Variants in CHST7 observed in about 807,000 individuals in gnomAD.
The protein encoded by CHST7 is carbohydrate sulfotransferase 7.
A neutral mutation model predicts 9.0 loss-of-function variants in CHST7; 5 were observed. The observed-to-expected ratio is 0.56, with a 90% confidence interval of 0.29 to 1.17. The LOEUF is 1.17. Ranked by LOEUF, CHST7 falls within the 50% of genes most tolerant of loss-of-function variation. The probability of loss-of-function intolerance (pLI) is 0.08; values close to 1 mark genes in which losing one functional copy is unlikely to be tolerated. For synonymous variants in CHST7, 244 were observed against 237.1 expected (o/e 1.03, Z -0.27); for missense variants, 377 against 485.1 (o/e 0.78, Z 2.09).
At position 46,574,835 on chromosome X, in the gene CHST7, C is replaced by G; in HGVS notation, c.904C>G (p.Leu302Val). The G allele has an allele frequency of 1.7e-6, 2 of 1,186,543 alleles. No individual in the cohort carries two copies. Among genetic ancestry groups the G allele is most frequent in the Non-Finnish European group, 2.3e-6 (2 of 883,362 alleles). ...ACTGCTGCGCGAGAGCATCCAGGTG[C>G]TGCGCACCCGCCAGAGGGGCGACCG... ...QGLLRESIQV[L>V]RTRQRGDRFH... Residue 302 changes from leucine (L) to valine (V), a missense_variant, in exon 1 of 2, where the codon CTG becomes GTG. By Grantham distance (32) the Leu-to-Val change is conservative (BLOSUM62 1). Transcript: ENST00000276055.
intron 1 of CHST7, among the ~76,000 whole-genome samples, chrX:46,596,158 C>T (rs1037215332): frequency 9.1e-6 from 1 of 109,823 alleles, no homozygotes; most frequent in African/African-American, 3.3e-5. Context: ...AAAAGTCGGC[C>T]CACCTGGAAA....
rs774347767 is a variant in CHST7, at chrX:46,575,188, C to A, written c.1257C>A (p.Pro419=). The A allele has an allele frequency of 9.1e-7, 1 of 1,104,335 alleles. No homozygotes were observed. The highest frequency in any genetic ancestry group is 2.1e-5 in the South Asian group (1 of 46,527). 91.0% of individuals were successfully genotyped at this position (1,104,335 alleles called of 1,213,427 possible). ...TRGAAYGADR[P]FHLSARDARE... ...GCGCGGCCTACGGCGCCGACCGGCC[C>A]TTCCACCTGTCAGCGCGCGACGCCC... The change falls in exon 1 of 2, where the codon CCC becomes CCA. Residue 419 remains proline (P), a synonymous_variant. Transcript: ENST00000276055.
chrX:46,586,963 G>T (rs759046873), intron 1 of CHST7, among the ~76,000 whole-genome samples: 1 of 110,648 alleles, frequency 9.0e-6, no homozygotes, highest in East Asian at 2.8e-4. Context: ...TCAAACTCCC[G>T]ACCTCAGCTG....
intron 1 of CHST7, among the ~76,000 whole-genome samples, chrX:46,594,102 C>A (rs1276668489): frequency 1.8e-5 from 2 of 112,479 alleles, no homozygotes; most frequent in African/African-American, 6.5e-5. Flanking sequence ...TTTGTCATTT[C>A]CTTTCTCTGG....
rs1457588980 is a variant in CHST7, at chrX:46,574,845, G to A, written c.914G>A (p.Arg305His). 8.5e-7 allele frequency: 1 copy of A among 1,182,542 alleles called. No homozygotes were observed. The highest frequency in any genetic ancestry group is 1.9e-5 in the South Asian group (1 of 53,717). ...GAGAGCATCCAGGTGCTGCGCACCC[G>A]CCAGAGGGGCGACCGCTTCCACCGT... The part of the protein sequence containing the change: ...LRESIQVLRT[R>H]QRGDRFHRVL... The change falls in exon 1 of 2, where the codon CGC becomes CAC. Residue 305 changes from arginine (R) to histidine (H), a missense_variant. Physicochemically the swap from Arg to His is conservative, Grantham distance 29 (BLOSUM62 0). Transcript: ENST00000276055.
rs1453368964 is a variant in CHST7, at chrX:46,573,843, G to A, written c.-89G>A. 2 of 1,124,471 alleles carry A rather than the reference G, an allele frequency of 1.8e-6. No individual in the cohort carries two copies. Among genetic ancestry groups the A allele is most frequent in the East Asian group, 3.4e-5 (1 of 29,838 alleles). 92.7% of individuals were successfully genotyped at this position (1,124,471 alleles called of 1,213,427 possible). On this transcript the variant is annotated 5_prime_UTR_variant, in exon 1 of 2. Coordinates refer to ENST00000276055, the MANE Select transcript of CHST7 (RefSeq NM_019886.4). ...CTGCTCCTCCCGGCGCAGAGGGGCC[G>A]GGAGAGGCCACAGGAGCGGACCTGG...
intron 1 of CHST7, among the ~76,000 whole-genome samples, chrX:46,586,766 A>C (rs1402874018): frequency 3.8e-5 from 4 of 106,436 alleles, no homozygotes; most frequent in Non-Finnish European, 7.8e-5. Flanking sequence ...ATGGAGTTTC[A>C]CTCTTGTTGC....
intron 1 of CHST7, among the ~76,000 whole-genome samples, chrX:46,597,491 G>A (rs1376844084): frequency 9.0e-6 from 1 of 111,716 alleles, no homozygotes; most frequent in African/African-American, 3.3e-5. Context: ...CTCAGCAGGC[G>A]CTCCACAACA....
At chrX:46,592,609 C>T (rs769697370) in intron 1 of CHST7, among the ~76,000 whole-genome samples, 112 of 112,020 alleles carry the variant, frequency 1.0e-3, no homozygotes, top group African/African-American at 3.5e-3. Context: ...GTGATCCACC[C>T]GCCTTGGCCT....
chrX:46,587,761 C>T (rs892255612), intron 1 of CHST7, among the ~76,000 whole-genome samples: 10 of 112,198 alleles, frequency 8.9e-5, no homozygotes, highest in African/African-American at 3.2e-4. Flanking sequence ...TTCCGTTTTC[C>T]TTGGCACTGT....
At chrX:46,578,880 G>A (rs977110602) in intron 1 of CHST7, among the ~76,000 whole-genome samples, 4 of 111,566 alleles carry the variant, frequency 3.6e-5, no homozygotes, top group African/African-American at 1.3e-4. Flanking sequence ...GCGGTTCTCA[G>A]CCCTGGCTGA....
chrX:46,576,521 G>A (rs909075084), intron 1 of CHST7, among the ~76,000 whole-genome samples: 1 of 111,601 alleles, frequency 9.0e-6, no homozygotes, highest in African/African-American at 3.3e-5. Context: ...TGTTCTGTGT[G>A]GGTCAGTGTA....
At chrX:46,580,195 C>CT (rs1224512470) in intron 1 of CHST7, among the ~76,000 whole-genome samples, 1 of 109,060 alleles carries the variant, frequency 9.2e-6, no homozygotes, top group Non-Finnish European at 1.9e-5. Context: ...GTAGCTGGGA[C>CT]TACAGGTGTG....
chrX:46,595,971 C>T (rs975779857), intron 1 of CHST7, among the ~76,000 whole-genome samples: 1 of 110,038 alleles, frequency 9.1e-6, no homozygotes, highest in Admixed American at 9.7e-5. Flanking sequence ...AACCCTGTCT[C>T]TACTAAAAAT....
At chrX:46,577,515 G>A (rs1010040859) in intron 1 of CHST7, among the ~76,000 whole-genome samples, 3 of 111,816 alleles carry the variant, frequency 2.7e-5, no homozygotes, top group Non-Finnish European at 3.8e-5. Context: ...TCTAGAGAAG[G>A]GAGGAGAAGA....
At position 46,575,157 on chromosome X, in the gene CHST7, C is replaced by A. The variant is rs1259887883; in HGVS notation, c.1226C>A (p.Thr409Asn). 9.1e-7 allele frequency: 1 copy of A among 1,097,235 alleles called. No homozygotes were observed. The highest frequency in any genetic ancestry group is 1.2e-6 in the Non-Finnish European group (1 of 848,679). The allele number at this position is 1,097,235 out of a possible 1,213,427, so 90.4% of individuals were successfully genotyped here. The change falls in exon 1 of 2, where the codon ACT (threonine) becomes AAT (asparagine). Residue 409 changes from threonine to asparagine, a missense_variant. By Grantham distance (65) the Thr-to-Asn change is moderately conservative. This residue lies in a region of CHST7 where 130 missense variants were observed against 134.9 expected (regional missense o/e 0.96). Coordinates refer to ENST00000276055, the MANE Select transcript of CHST7 (RefSeq NM_019886.4). The stretch of plus-strand genomic sequence containing the variant: ...CTCGATGCCTTCGCGCTCAACATGA[C>A]TCGCGGCGCGGCCTACGGCGCCGAC... The part of the protein sequence containing the change: ...AALDAFALNM[T>N]RGAAYGADRP...
In CHST7 at chrX:46,575,318, G is replaced by A. The variant is rs755496206; in HGVS notation, c.1387G>A (p.Gly463Arg). ...GCGTCTGCTCGCCTACCCTCGCAGC[G>A]GAGAGGAGGGCGACGCGGAGCAGCC... ...AMRLLAYPRS[G>R]EEGDAEQPRE... is the part of the protein sequence containing the mutation. The change falls in exon 1 of 2, where the codon GGA (glycine) becomes AGA (arginine). Residue 463 changes from glycine to arginine, a missense_variant. Coordinates refer to ENST00000276055, the MANE Select transcript of CHST7 (RefSeq NM_019886.4). 9.1e-7 allele frequency: 1 copy of A among 1,094,507 alleles called. No individual in the cohort carries two copies. The highest frequency in any genetic ancestry group is 3.6e-5 in the East Asian group (1 of 27,569). The allele number at this position is 1,094,507 out of a possible 1,213,427, so 90.2% of individuals were successfully genotyped here. A position where few individuals can be genotyped will look rare whatever the true frequency, so the allele number is the denominator to read the frequency against.
At position 46,574,936 on chromosome X, in the gene CHST7, G is replaced by A. The variant is rs1428837140; in HGVS notation, c.1005G>A (p.Pro335=). The A allele has an allele frequency of 1.7e-6, 2 of 1,148,527 alleles. No homozygotes were observed. Among genetic ancestry groups the A allele is most frequent in the Admixed American group, 5.6e-5 (2 of 35,806 alleles). 94.7% of individuals were successfully genotyped at this position (1,148,527 alleles called of 1,213,427 possible). ...GGQSRALPAA[P]RADFFLTGAL... is the part of the protein sequence containing the mutation. ...AGTCTCGCGCGCTGCCCGCCGCGCC[G>A]CGCGCCGATTTCTTCCTGACCGGTG... Residue 335 remains proline, a synonymous_variant, in exon 1 of 2, where the codon CCG becomes CCA. Transcript: ENST00000276055.
chrX:46,574,617 G>A lies in CHST7; in HGVS notation c.686G>A (p.Cys229Tyr). Residue 229 changes from cysteine to tyrosine, a missense_variant, in exon 1 of 2, where the codon TGC (cysteine) becomes TAC (tyrosine). Cys to Tyr is a radical substitution (Grantham distance 194). This residue lies in a region of CHST7 where 239 missense variants were observed against 325.7 expected (regional missense o/e 0.73). Coordinates refer to ENST00000276055, the MANE Select transcript of CHST7 (RefSeq NM_019886.4). Reference sequence around the variant, plus strand: ...GAGGACACCGCCTGCGAGCGCAGCTGCCCACCCGTGGCGATACGCGCCCTG... The same window carrying A: ...GAGGACACCGCCTGCGAGCGCAGCTACCCACCCGTGGCGATACGCGCCCTG... ...LVEDTACERS[C>Y]PPVAIRALEA... 1.7e-6 allele frequency: 2 copies of A among 1,205,845 alleles called. No homozygotes were observed. The highest frequency in any genetic ancestry group is 2.2e-6 in the Non-Finnish European group (2 of 892,652).
Sources: gnomAD v4.1 joint callset for allele counts (sites outside exome capture counted in the v4.1 genomes callset) on GRCh38, gnomAD v4.1.1 for gene constraint, gnomAD v4.1.1 regional missense constraint, MANE v1.5 for transcripts, NCBI Gene and HGNC (gene_info 2026-07-23, HGNC 2026-07-21) for gene names.